Variants in VPS13B observed in about 807,000 individuals in gnomAD.
VPS13B encodes intermembrane lipid transfer protein VPS13B.
Under a neutral mutation model 426.4 loss-of-function variants are expected in VPS13B, and 285 were observed. That is an observed-to-expected ratio of 0.67 (90% CI 0.61 to 0.74). The LOEUF (loss-of-function observed/expected upper bound fraction) is 0.74, where lower values mean the gene tolerates loss of function less well. Ranked by LOEUF, VPS13B falls within the 30% of genes least tolerant of loss-of-function variation. VPS13B has a pLI of 0.00. For missense variants in VPS13B, 4,537 were observed against 4,782.6 expected (o/e 0.95, Z 1.51); for synonymous variants, 1,676 against 1,676.4 (o/e 1.00, Z 0.01).
chr8:99,875,128 G>GT (rs1262891547), intron 61 of VPS13B: 2 of 445,444 alleles, frequency 4.5e-6, no homozygotes, highest in African/African-American at 4.0e-5. Flanking sequence ...TTAATGGTGA[G>GT]TAGAATGTTA....
chr8:99,072,418 G>GC (rs1209346841), intron 3 of VPS13B, among the ~76,000 whole-genome samples: 1 of 152,078 alleles, frequency 6.6e-6, no homozygotes, highest in Non-Finnish European at 1.5e-5. Flanking sequence ...TCTTCCTGAT[G>GC]CCCTATGCTA....
At chr8:99,646,072 T>G (rs1324747596) in intron 34 of VPS13B, among the ~76,000 whole-genome samples, 2 of 152,212 alleles carry the variant, frequency 1.3e-5, no homozygotes, top group African/African-American at 4.8e-5. Flanking sequence ...CATTGCAGTG[T>G]CTTTAAATTG....
intron 18 of VPS13B, 121 bp downstream of exon 18, chr8:99,274,453 A>C (rs1019663303): frequency 5.4e-6 from 8 of 1,491,244 alleles, no homozygotes; most frequent in Non-Finnish European, 6.4e-6. Flanking sequence ...AGACGTTTTA[A>C]ATTTTTACTT....
At chr8:99,397,866 C>T (rs1317746675) in intron 21 of VPS13B, among the ~76,000 whole-genome samples, 2 of 152,156 alleles carry the variant, frequency 1.3e-5, no homozygotes, top group African/African-American at 4.8e-5. Flanking sequence ...AAGCTAGTTA[C>T]ATGGTCCTGT....
At chr8:99,018,260 C>G (rs1841719463) in intron 2 of VPS13B, among the ~76,000 whole-genome samples, 1 of 152,104 alleles carries the variant, frequency 6.6e-6, no homozygotes, top group Non-Finnish European at 1.5e-5. Context: ...GTGGCTCACG[C>G]CTGTAATCCC....
intron 36 of VPS13B, 107 bp from the exon 37 acceptor site, chr8:99,717,064 A>G: frequency 8.8e-7 from 1 of 1,142,450 alleles, no homozygotes. Context: ...AAGCAAGACG[A>G]CTCTGACAAA....
At chr8:99,154,730 A>G (rs1434231651) in intron 14 of VPS13B, among the ~76,000 whole-genome samples, 1 of 152,148 alleles carries the variant, frequency 6.6e-6, no homozygotes, top group African/African-American at 2.4e-5. Flanking sequence ...ATAAGTACAG[A>G]TTGAAATAGA....
At chr8:99,356,456 T>C (rs751038231) in intron 19 of VPS13B, among the ~76,000 whole-genome samples, 2 of 152,170 alleles carry the variant, frequency 1.3e-5, no homozygotes, top group Non-Finnish European at 2.9e-5. Context: ...AAGACCAGCC[T>C]GGACAACATG....
chr8:99,647,186 C>T (rs1026124638), intron 34 of VPS13B, among the ~76,000 whole-genome samples: 2 of 151,936 alleles, frequency 1.3e-5, no homozygotes, highest in African/African-American at 4.8e-5. Context: ...GTTTTCTATA[C>T]AAGTCATAAA....
At chr8:99,827,521 A>C (rs77682665) in intron 51 of VPS13B, among the ~76,000 whole-genome samples, 3 of 148,458 alleles carry the variant, frequency 2.0e-5, no homozygotes, top group African/African-American at 7.4e-5. Context: ...CAAAAAAAAA[A>C]AGCAGCTCCT....
intron 21 of VPS13B, among the ~76,000 whole-genome samples, chr8:99,409,291 A>G (rs887494785): frequency 1.3e-5 from 2 of 152,016 alleles, no homozygotes; most frequent in African/African-American, 4.8e-5. Context: ...GATGAGGGGT[A>G]TTGTTAGAAT....
intron 16 of VPS13B, among the ~76,000 whole-genome samples, chr8:99,180,284 G>T (rs1039157011): frequency 2.0e-5 from 3 of 152,114 alleles, no homozygotes; most frequent in Admixed American, 6.5e-5. Context: ...AGCAAGTATA[G>T]TATATAGGCC....
At chr8:99,160,067 T>C (rs1377375176) in intron 15 of VPS13B, among the ~76,000 whole-genome samples, 1 of 152,160 alleles carries the variant, frequency 6.6e-6, no homozygotes, top group Non-Finnish European at 1.5e-5. Flanking sequence ...TTATATGTAC[T>C]GGGAAACCAA....
chr8:99,202,931 C>T (rs1051060413), intron 17 of VPS13B, among the ~76,000 whole-genome samples: 2 of 151,676 alleles, frequency 1.3e-5, no homozygotes, highest in African/African-American at 4.8e-5. Context: ...TTACTCTGGA[C>T]GCTGAGGCAG....
chr8:99,385,809 G>A (rs1379175122), intron 20 of VPS13B, among the ~76,000 whole-genome samples: 1 of 152,146 alleles, frequency 6.6e-6, no homozygotes, highest in Non-Finnish European at 1.5e-5. Context: ...GACAGAGAAG[G>A]TTGTTTTAGA....
At chr8:99,188,396 A>G (rs1180801840) in intron 16 of VPS13B, among the ~76,000 whole-genome samples, 2 of 152,198 alleles carry the variant, frequency 1.3e-5, no homozygotes, top group Non-Finnish European at 1.5e-5. Context: ...TCCATGTTAT[A>G]TAGCATGTAT....
chr8:99,034,860 C>T (rs1232092622), intron 2 of VPS13B, among the ~76,000 whole-genome samples: 7 of 151,998 alleles, frequency 4.6e-5, no homozygotes, highest in South Asian at 2.1e-4. Context: ...CATGCGCGCG[C>T]GTGTGTGTGT....
chr8:99,178,163 T>A (rs891109804), intron 16 of VPS13B, among the ~76,000 whole-genome samples: 4 of 152,074 alleles, frequency 2.6e-5, no homozygotes, highest in South Asian at 2.1e-4. Context: ...TATTTTATTT[T>A]TTTTTTATTA....
intron 25 of VPS13B, among the ~76,000 whole-genome samples, chr8:99,498,725 A>G (rs954637092): frequency 2.0e-5 from 3 of 152,162 alleles, no homozygotes; most frequent in Non-Finnish European, 2.9e-5. Flanking sequence ...ATATAGCTGC[A>G]GCTTCCTGTG....
Sources: allele counts gnomAD v4.1 joint callset (sites outside exome capture counted in the v4.1 genomes callset), GRCh38; gene constraint gnomAD v4.1.1; transcripts MANE v1.5; gene names NCBI Gene and HGNC (gene_info 2026-07-23, HGNC 2026-07-21).